Variants in ECI1 observed in about 807,000 individuals in gnomAD.
ECI1 encodes enoyl-CoA delta isomerase 1.
In ECI1, 34 loss-of-function variants were observed where a neutral mutation model predicts 34.2. The observed-to-expected ratio is 1.00, with a 90% confidence interval of 0.76 to 1.33. The LOEUF (loss-of-function observed/expected upper bound fraction) is 1.33. Among genes scored for constraint, ECI1 ranks in the 40% most tolerant of loss-of-function variants. The probability of loss-of-function intolerance (pLI) is 0.00; values close to 1 mark genes in which losing one functional copy is unlikely to be tolerated. For missense variants in ECI1, 456 were observed against 422.2 expected (o/e 1.08, Z -0.70); for synonymous variants, 211 against 193.0 (o/e 1.09, Z -0.77).
At chr16:2,242,150 G>A (rs867352810) in intron 6 of ECI1, among the ~76,000 whole-genome samples, 2 of 151,502 alleles carry the variant, frequency 1.3e-5, no homozygotes, top group Admixed American at 6.6e-5. Context: ...GAGCCACCGC[G>A]CCTGGCCCAT....
Position 2,239,616 on chromosome 16 carries a change from T to C in ECI1, c.*363A>G, listed in dbSNP as rs1367944861. The C allele has an allele frequency of 2.8e-6, 1 of 358,852 alleles. No homozygotes were observed. The highest frequency in any genetic ancestry group is 5.4e-6 in the Non-Finnish European group (1 of 184,344). The allele number at this position is 358,852 out of a possible 1,614,324, so 22.2% of individuals were successfully genotyped here. ...CATGGGGGCCAAGACCACCTGGCCT[T>C]ACACCTAAGAGCAGGCAGTCCAAAG... is the stretch of plus-strand genomic sequence containing the variant. On this transcript the variant is annotated 3_prime_UTR_variant, in exon 7 of 7. Coordinates refer to ENST00000301729, the MANE Select transcript of ECI1 (RefSeq NM_001919.4).
intron 6 of ECI1, chr16:2,240,503 GC>G (rs1451016784): frequency 7.2e-6 from 2 of 276,886 alleles, no homozygotes; most frequent in African/African-American, 4.5e-5. Context: ...GAGCCAGCAC[GC>G]CCGGCCCTAA....
intron 2 of ECI1, among the ~76,000 whole-genome samples, chr16:2,249,199 C>T (rs1448425185): frequency 1.3e-5 from 2 of 152,174 alleles, no homozygotes; most frequent in East Asian, 1.9e-4. Context: ...GTGCCCGCCA[C>T]CACGCCCGGC....
chr16:2,240,627 TC>T, intron 6 of ECI1: 1 of 171,910 alleles, frequency 5.8e-6, no homozygotes, highest in Middle Eastern at 2.9e-3. Flanking sequence ...GCTCAGGTGA[TC>T]CTCTCACCTC....
At chr16:2,247,420 G>A (rs2093542968) in intron 2 of ECI1, among the ~76,000 whole-genome samples, 2 of 151,542 alleles carry the variant, frequency 1.3e-5, no homozygotes, top group South Asian at 2.1e-4. Context: ...TTTTTGAGAC[G>A]GAGTTTTGCT....
At chr16:2,245,374 C>G (rs190112203) in intron 3 of ECI1, among the ~76,000 whole-genome samples, 1 of 152,188 alleles carries the variant, frequency 6.6e-6, no homozygotes, top group South Asian at 2.1e-4. Flanking sequence ...GGAAGGAGGG[C>G]GACAGCCACC....
intron 6 of ECI1, 102 bp downstream of exon 6, chr16:2,242,944 T>C (rs2093531106): frequency 2.2e-6 from 2 of 925,836 alleles, no homozygotes; most frequent in Admixed American, 1.9e-5. Flanking sequence ...GCTGTGATTA[T>C]CAACAGTCTC....
chr16:2,248,769 A>C (rs2093546154), intron 2 of ECI1, among the ~76,000 whole-genome samples: 2 of 152,102 alleles, frequency 1.3e-5, no homozygotes, highest in Non-Finnish European at 2.9e-5. Context: ...CAGTATACTG[A>C]CTGTGTTGTG....
intron 2 of ECI1, among the ~76,000 whole-genome samples, chr16:2,249,978 C>T (rs1429405960): frequency 4.2e-5 from 6 of 144,072 alleles, no homozygotes; most frequent in African/African-American, 1.5e-4. Context: ...CGCCATTGCA[C>T]GCCAGCCTGG....
At position 2,239,533 on chromosome 16, in the gene ECI1, A is replaced by G. The variant is rs2093522691; in HGVS notation, c.*446T>C. The G allele has an allele frequency of 3.7e-6, 1 of 270,468 alleles. No individual in the cohort carries two copies. The highest frequency in any genetic ancestry group is 7.3e-6 in the Non-Finnish European group (1 of 137,348). The allele number at this position is 270,468 out of a possible 1,614,324, so 16.8% of individuals were successfully genotyped here. A position where few individuals can be genotyped will look rare whatever the true frequency, so the allele number is the denominator to read the frequency against. ...TGCTCTGATTCACTGTGCGCTCTTC[A>G]TCCTGATGAGTAAGGGCAGTGACCA... is the stretch of plus-strand genomic sequence containing the variant. On this transcript the variant is annotated 3_prime_UTR_variant, in exon 7 of 7. Coordinates refer to ENST00000301729, the MANE Select transcript of ECI1 (RefSeq NM_001919.4).
intron 6 of ECI1, 65 bp downstream of exon 6, chr16:2,242,981 C>G (rs960463697): frequency 7.6e-7 from 1 of 1,316,440 alleles, no homozygotes; most frequent in African/African-American, 1.4e-5. Flanking sequence ...CACAGAAAAC[C>G]TTTGGGTGGA....
At position 2,243,115 on chromosome 16, in the gene ECI1, G is replaced by T. The variant is rs1335511326; in HGVS notation, c.673C>A (p.Gln225Lys). ...AEALQVGIVD[Q>K]VVPEEQVQST... The stretch of plus-strand genomic sequence containing the variant: ...TGCACCTGCTCCTCCGGGACCACCT[G>T]GTCCACTATGCCCACCTGCAGGGCC... Residue 225 changes from glutamine (Q) to lysine (K), a missense_variant, in exon 6 of 7, where the codon CAG (glutamine) becomes AAG (lysine). Coordinates refer to ENST00000301729, the MANE Select transcript of ECI1 (RefSeq NM_001919.4). 1.2e-6 allele frequency: 2 copies of T among 1,606,176 alleles called. No homozygotes were observed. Among genetic ancestry groups the T allele is most frequent in the South Asian group, 2.2e-5 (2 of 91,052 alleles).
Position 2,243,161 on chromosome 16 carries a change from C to T in ECI1, c.627G>A (p.Gly209=), listed in dbSNP as rs2093531922. 1.2e-6 allele frequency: 2 copies of T among 1,607,594 alleles called. No individual in the cohort carries two copies. The highest frequency in any genetic ancestry group is 1.7e-5 in the Admixed American group (1 of 59,982). The stretch of plus-strand genomic sequence containing the variant: ...GGGCCTCCGCCGGCGGGAAGAGCAG[C>T]CCCAGCTGCAGGGCACGCTCCGCCG... ...HRAAERALQL[G]LLFPPAEALQ... The change falls in exon 6 of 7, where the codon GGG becomes GGA. Residue 209 remains glycine, a synonymous_variant. Coordinates refer to ENST00000301729, the MANE Select transcript of ECI1 (RefSeq NM_001919.4).
chr16:2,245,316 G>T (rs538020414), intron 3 of ECI1, among the ~76,000 whole-genome samples: 1 of 152,220 alleles, frequency 6.6e-6, no homozygotes, highest in South Asian at 2.1e-4. Context: ...AGCTCACCCT[G>T]ACTCACACAA....
Position 2,243,189 on chromosome 16 carries a change from C to T in ECI1, c.599G>A (p.Arg200Gln), listed in dbSNP as rs1374315610. 15 of 1,609,980 alleles carry T rather than the reference C, an allele frequency of 9.3e-6. No individual in the cohort carries two copies. Among genetic ancestry groups the T allele is most frequent in the Middle Eastern group, 1.7e-4 (1 of 5,950 alleles). The change falls in exon 6 of 7, where the codon CGG becomes CAG. Residue 200 changes from arginine (R) to glutamine (Q), a missense_variant. Arg to Gln is a conservative substitution (Grantham distance 43, BLOSUM62 1). Coordinates refer to ENST00000301729, the MANE Select transcript of ECI1 (RefSeq NM_001919.4). ...KDTLENTIGH[R>Q]AAERALQLGL... ...CAGCTGCAGGGCACGCTCCGCCGCC[C>T]GGTGCCCGATGGTGTTCTCCAGGGT... is the stretch of plus-strand genomic sequence containing the variant.
At chr16:2,244,835 G>A (rs922678456) in intron 3 of ECI1, among the ~76,000 whole-genome samples, 1 of 152,218 alleles carries the variant, frequency 6.6e-6, no homozygotes, top group African/African-American at 2.4e-5. Context: ...ACATAAGTGC[G>A]CCGGCCCTCT....
chr16:2,247,309 A>C, intron 2 of ECI1, among the ~76,000 whole-genome samples: 1 of 152,016 alleles, frequency 6.6e-6, no homozygotes, highest in East Asian at 1.9e-4. Flanking sequence ...GTTAGCCAGG[A>C]TGGGCTCGAT....
intron 6 of ECI1, among the ~76,000 whole-genome samples, chr16:2,241,409 C>T (rs1330031654): frequency 1.3e-5 from 2 of 151,930 alleles, no homozygotes; most frequent in Admixed American, 6.6e-5. Flanking sequence ...GATTCTCCGG[C>T]CTCAGCCTTC....
rs2093523594 is a variant in ECI1, at chr16:2,239,880, A to C, written c.*99T>G. The C allele has an allele frequency of 2.3e-6, 3 of 1,321,844 alleles. No homozygotes were observed. The highest frequency in any genetic ancestry group is 1.4e-5 in the African/African-American group (1 of 69,030). 81.9% of individuals were successfully genotyped at this position (1,321,844 alleles called of 1,614,324 possible). On this transcript the variant is annotated 3_prime_UTR_variant, in exon 7 of 7. Transcript: ENST00000301729. Reference sequence around the variant, plus strand: ...ACTTCTACGTAACATCAGCAAAATGAAACGCTGGCAGTACTTTTAAGTTGA... The same window carrying C: ...ACTTCTACGTAACATCAGCAAAATGCAACGCTGGCAGTACTTTTAAGTTGA...
Sources: allele counts gnomAD v4.1 joint callset (sites outside exome capture counted in the v4.1 genomes callset), GRCh38; gene constraint gnomAD v4.1.1; transcripts MANE v1.5; gene names NCBI Gene and HGNC (gene_info 2026-07-23, HGNC 2026-07-21).